The following ZMIZ1 variants were observed in gnomAD, a reference collection of about 807,000 sequenced individuals.
The protein encoded by ZMIZ1 is zinc finger MIZ-type containing 1, also known as zinc finger MIZ domain-containing protein 1.
Under a neutral mutation model 113.9 loss-of-function variants are expected in ZMIZ1, and 17 were observed. That is an observed-to-expected ratio of 0.15 (90% CI 0.10 to 0.22). The LOEUF is 0.22. Among genes scored for constraint, ZMIZ1 ranks in the 10% least tolerant of loss-of-function variants. The pLI is 1.00. For synonymous variants in ZMIZ1, 607 were observed against 603.1 expected (o/e 1.01, Z -0.09); for missense variants, 1,059 against 1,477.8 (o/e 0.72, Z 4.65).
At chr10:79,120,462 TCCTGGGAGGCTCTGGACAG>T (rs1417957459) in intron 2 of ZMIZ1, among the ~76,000 whole-genome samples, 1 of 152,188 alleles carries the variant, frequency 6.6e-6, no homozygotes, top group African/African-American at 2.4e-5. Context: ...TTCCAGCAGC[TCCTGGGAGGCTCTGGACAG>T]CCTGGGCCGA....
chr10:79,282,976 G>A (rs1318805025), intron 8 of ZMIZ1, among the ~76,000 whole-genome samples: 2 of 152,242 alleles, frequency 1.3e-5, no homozygotes, highest in African/African-American at 4.8e-5. Flanking sequence ...TGAAGCCAGT[G>A]AAGTCTTTCA....
chr10:79,154,565 G>A (rs1054800148), intron 3 of ZMIZ1, among the ~76,000 whole-genome samples: 7 of 152,244 alleles, frequency 4.6e-5, no homozygotes, highest in Admixed American at 3.3e-4. Context: ...CCCCCAGCTA[G>A]GCGCCCCTTT....
chr10:79,246,109 G>A (rs1286510728), intron 7 of ZMIZ1, among the ~76,000 whole-genome samples: 2 of 152,254 alleles, frequency 1.3e-5, no homozygotes, highest in African/African-American at 2.4e-5. Context: ...GACCAGCCAG[G>A]CATTCCCATT....
chr10:79,199,003 C>T lies in ZMIZ1; in HGVS notation c.-49-2581C>T, dbSNP rs111873454. Reference sequence around the variant, plus strand: ...GAGCCAAGATCACGCCATTGCACTCCGCCTGGGCAACAGAGCGAGACTCAG... The same window carrying T: ...GAGCCAAGATCACGCCATTGCACTCTGCCTGGGCAACAGAGCGAGACTCAG... On this transcript the variant is annotated intron_variant, in intron 4 of 24. Coordinates refer to ENST00000334512, the MANE Select transcript of ZMIZ1 (RefSeq NM_020338.4). 4.3e-3 allele frequency among the ~76,000 whole-genome samples: 650 copies of T among 150,280 alleles called. 3 individuals carry two copies. Among genetic ancestry groups the T allele is most frequent in the African/African-American group, 0.013 (515 of 40,766 alleles).
intron 2 of ZMIZ1, among the ~76,000 whole-genome samples, chr10:79,119,310 A>T (rs1844186254): frequency 6.6e-6 from 1 of 152,194 alleles, no homozygotes; most frequent in African/African-American, 2.4e-5. Flanking sequence ...AGAGGGCCTC[A>T]GCTTTCTACT....
At chr10:79,306,480 A>T in intron 22 of ZMIZ1, 136 bp downstream of exon 22, 1 of 1,420,198 alleles carries the variant, frequency 7.0e-7, no homozygotes. Context: ...TCCCCCAAAA[A>T]ACAATTCCCA....
In ZMIZ1 at chr10:79,221,270, G is replaced by A. The variant is rs536546703; in HGVS notation, c.280+4996G>A. Reference sequence around the variant, plus strand: ...TGTGTGCATGTGCGTGCATGCATGCGTGTGTGTGTGTGCGTGTGTGTGTCC... The same window carrying A: ...TGTGTGCATGTGCGTGCATGCATGCATGTGTGTGTGTGCGTGTGTGTGTCC... On this transcript the variant is annotated intron_variant, in intron 7 of 24. Coordinates refer to ENST00000334512, the MANE Select transcript of ZMIZ1 (RefSeq NM_020338.4). Among the ~76,000 whole-genome samples the A allele has an allele frequency of 2.7e-5, 4 of 149,618 alleles. No individual in the cohort carries two copies. In the East Asian group the frequency reaches 7.7e-4, roughly 29 times the overall value.
At chr10:79,305,979 T>A in intron 21 of ZMIZ1, 121 bp from the exon 22 acceptor site, 1 of 1,440,420 alleles carries the variant, frequency 6.9e-7, no homozygotes, top group South Asian at 1.3e-5. Context: ...GTCCACAGTG[T>A]GGTGAGAGTG....
intron 3 of ZMIZ1, among the ~76,000 whole-genome samples, chr10:79,142,873 A>T (rs1845333143): frequency 6.6e-6 from 1 of 152,230 alleles, no homozygotes; most frequent in African/African-American, 2.4e-5. Context: ...CCCATGGGGA[A>T]GAGGCACCGA....
chr10:79,237,363 G>A (rs910460930), intron 7 of ZMIZ1, among the ~76,000 whole-genome samples: 1 of 152,178 alleles, frequency 6.6e-6, no homozygotes, highest in Non-Finnish European at 1.5e-5. Flanking sequence ...AGGTTTTAAC[G>A]GATCCTCCAT....
intron 7 of ZMIZ1, among the ~76,000 whole-genome samples, chr10:79,228,954 C>T (rs1311559950): frequency 1.3e-5 from 2 of 152,238 alleles, no homozygotes; most frequent in African/African-American, 2.4e-5. Context: ...AAACTGCCAT[C>T]TCATGAGGGC....
At chr10:79,218,809 G>A (rs564314158) in intron 7 of ZMIZ1, among the ~76,000 whole-genome samples, 1 of 152,262 alleles carries the variant, frequency 6.6e-6, no homozygotes, top group African/African-American at 2.4e-5. Flanking sequence ...AAGGTGTTGA[G>A]GTAGAAGGGG....
intron 3 of ZMIZ1, among the ~76,000 whole-genome samples, chr10:79,155,964 A>G (rs994055188): frequency 3.9e-5 from 6 of 152,072 alleles, no homozygotes; most frequent in Non-Finnish European, 8.8e-5. Context: ...TTATCTGAGG[A>G]TTACCCATCT....
intron 11 of ZMIZ1, chr10:79,292,872 G>A (rs1335391568): frequency 2.2e-6 from 1 of 463,088 alleles, no homozygotes; most frequent in African/African-American, 2.0e-5. Context: ...AGGTGAGGAG[G>A]TGGGAACTGC....
intron 7 of ZMIZ1, among the ~76,000 whole-genome samples, chr10:79,248,407 G>C (rs1358077769): frequency 6.6e-6 from 1 of 152,146 alleles, no homozygotes; most frequent in East Asian, 1.9e-4. Context: ...GAGAGGTTGA[G>C]TGAGGCTGCT....
At chr10:79,072,684 G>A (rs1350694759) in intron 1 of ZMIZ1, among the ~76,000 whole-genome samples, 1 of 152,218 alleles carries the variant, frequency 6.6e-6, no homozygotes, top group Non-Finnish European at 1.5e-5. Context: ...GGGCCTGCTG[G>A]TTCGTGGCTG....
At chr10:79,128,319 A>G (rs560802098) in intron 2 of ZMIZ1, among the ~76,000 whole-genome samples, 15 of 152,272 alleles carry the variant, frequency 9.9e-5, no homozygotes, top group Admixed American at 8.5e-4. Context: ...ACCCAGACAT[A>G]TGCGGTGTGG....
chr10:79,285,566 T>C (rs1853020565), intron 8 of ZMIZ1: 1 of 455,950 alleles, frequency 2.2e-6, no homozygotes, highest in Admixed American at 2.3e-5. Flanking sequence ...ACTGTGTAGG[T>C]GGTCGGTCAT....
Position 79,217,466 on chromosome 10 carries a change from G to A in ZMIZ1, c.280+1192G>A, listed in dbSNP as rs137870311. On this transcript the variant is annotated intron_variant, in intron 7 of 24. Coordinates refer to ENST00000334512, the MANE Select transcript of ZMIZ1 (RefSeq NM_020338.4). ...AGAAATACATAAAGTACCTAGCACC[G>A]TGTCTGGATATTGTTAACATTCCTT... Among the ~76,000 whole-genome samples, 7 of 152,182 alleles carry A rather than the reference G, an allele frequency of 4.6e-5. No individual in the cohort carries two copies. In the East Asian group the frequency reaches 7.7e-4, roughly 17 times the overall value.
Sources: allele counts gnomAD v4.1 joint callset (sites outside exome capture counted in the v4.1 genomes callset), GRCh38; gene constraint gnomAD v4.1.1; transcripts MANE v1.5; gene names NCBI Gene and HGNC (gene_info 2026-07-23, HGNC 2026-07-21).